Variants in UNC5C observed in about 807,000 individuals in gnomAD.
UNC5C encodes netrin receptor UNC5C.
Under a neutral mutation model 99.8 loss-of-function variants are expected in UNC5C, and 47 were observed. The observed-to-expected ratio is 0.47, with a 90% CI of 0.37 to 0.60. The LOEUF is 0.60. Among genes scored for constraint, UNC5C ranks in the 20% least tolerant of loss-of-function variants. The pLI is 0.00. For synonymous variants in UNC5C, 487 were observed against 452.2 expected, an observed-to-expected ratio of 1.08 and a Z score of -0.98; for missense variants, 1,062 against 1,165.9, an observed-to-expected ratio of 0.91 and a Z score of 1.30.
At chr4:95,266,946 T>C (rs560089641) in intron 4 of UNC5C, among the ~76,000 whole-genome samples, 2 of 152,166 alleles carry the variant, frequency 1.3e-5, no homozygotes, top group Non-Finnish European at 2.9e-5. Context: ...TTCACTCCCC[T>C]CTCATCTTTA....
At chr4:95,341,952 G>A (rs1345184966) in intron 1 of UNC5C, among the ~76,000 whole-genome samples, 2 of 152,114 alleles carry the variant, frequency 1.3e-5, no homozygotes, top group African/African-American at 4.8e-5. Context: ...GGCCCACAGA[G>A]GGAGCATTTA....
intron 12 of UNC5C, among the ~76,000 whole-genome samples, chr4:95,192,546 G>C: frequency 1.1e-5 from 1 of 93,618 alleles, no homozygotes; most frequent in Non-Finnish European, 2.1e-5. Context: ...TCCTCTCCTG[G>C]TCGCCTCTTC....
chr4:95,456,161 A>C (rs1260296137), intron 1 of UNC5C, among the ~76,000 whole-genome samples: 1 of 152,132 alleles, frequency 6.6e-6, no homozygotes, highest in African/African-American at 2.4e-5. Context: ...GGTAATAATT[A>C]TAAGGCAATG....
rs114961049 is a variant in UNC5C at position 95,536,919 on chromosome 4, A to G, written c.124+11815T>C. ...CCATGTAAGCTCCCAAATCACTCAA[A>G]ATAAGCTTTTACAATGGCCTGAACT... On this transcript the variant is annotated intron_variant, in intron 1 of 15. Coordinates refer to ENST00000453304, the MANE Select transcript of UNC5C (RefSeq NM_003728.4). 2.4e-3 allele frequency among the ~76,000 whole-genome samples: 358 copies of G among 152,302 alleles called. 3 individuals carry two copies. Among genetic ancestry groups the G allele is most frequent in the African/African-American group, 8.3e-3 (346 of 41,560 alleles).
intron 3 of UNC5C, among the ~76,000 whole-genome samples, chr4:95,298,047 G>A (rs1025495304): frequency 2.8e-4 from 42 of 152,274 alleles, no homozygotes; most frequent in Admixed American, 3.3e-4. Context: ...GGTGGCTAAC[G>A]CCTGTAATCC....
intron 1 of UNC5C, among the ~76,000 whole-genome samples, chr4:95,394,469 A>G (rs1411720379): frequency 6.6e-6 from 1 of 152,234 alleles, no homozygotes; most frequent in Non-Finnish European, 1.5e-5. Flanking sequence ...AACAGAGTTC[A>G]CTTTACCAAC....
intron 1 of UNC5C, among the ~76,000 whole-genome samples, chr4:95,425,563 C>A (rs774750220): frequency 2.6e-5 from 4 of 152,220 alleles, no homozygotes; most frequent in South Asian, 4.1e-4. Context: ...ACCTCGTGAT[C>A]CGCCCAAAGT....
intron 2 of UNC5C, among the ~76,000 whole-genome samples, chr4:95,309,130 T>A (rs977449782): frequency 2.0e-5 from 3 of 152,114 alleles, no homozygotes; most frequent in Non-Finnish European, 2.9e-5. Flanking sequence ...TAAATCCATA[T>A]GTTTATGGTC....
At chr4:95,229,734 A>G (rs1206676879) in intron 7 of UNC5C, among the ~76,000 whole-genome samples, 4 of 136,248 alleles carry the variant, frequency 2.9e-5, no homozygotes, top group Non-Finnish European at 4.7e-5. Flanking sequence ...ACTAATTTAC[A>G]CTCCCACCAA....
intron 14 of UNC5C, among the ~76,000 whole-genome samples, chr4:95,176,555 A>G (rs563774297): frequency 0.035 from 5,218 of 149,300 alleles, 171 homozygotes; most frequent in Middle Eastern, 0.087. Flanking sequence ...TAGGCTGCTC[A>G]GGGGTAGGGG....
intron 1 of UNC5C, among the ~76,000 whole-genome samples, chr4:95,496,519 A>G (rs1159161056): frequency 1.3e-5 from 2 of 151,786 alleles, no homozygotes; most frequent in African/African-American, 4.8e-5. Context: ...ATATTTTAGT[A>G]TGTGCCACTA....
intron 2 of UNC5C, among the ~76,000 whole-genome samples, chr4:95,325,959 C>A (rs1262382662): frequency 6.6e-6 from 1 of 152,018 alleles, no homozygotes; most frequent in African/African-American, 2.4e-5. Flanking sequence ...GTTCTGTGTT[C>A]AGTAGTTATG....
intron 3 of UNC5C, among the ~76,000 whole-genome samples, chr4:95,292,319 G>GAGTGCAGT (rs1741506155): frequency 6.7e-6 from 1 of 148,980 alleles, no homozygotes; most frequent in Non-Finnish European, 1.5e-5. Context: ...ACCCAGGCTG[G>GAGTGCAGT]AGTGCAGTAG....
chr4:95,331,023 T>C (rs1743090294), intron 2 of UNC5C, among the ~76,000 whole-genome samples: 1 of 152,106 alleles, frequency 6.6e-6, no homozygotes, highest in African/African-American at 2.4e-5. Context: ...AACATCCACA[T>C]GTACACATTA....
chr4:95,291,127 G>A (rs890231093), intron 3 of UNC5C, among the ~76,000 whole-genome samples: 4 of 151,692 alleles, frequency 2.6e-5, no homozygotes, highest in Non-Finnish European at 4.4e-5. Context: ...ATTTCAGCTA[G>A]CACTCCAAAT....
intron 14 of UNC5C, among the ~76,000 whole-genome samples, chr4:95,176,557 G>A (rs1736356418): frequency 6.6e-6 from 1 of 151,442 alleles, no homozygotes; most frequent in African/African-American, 2.4e-5. Flanking sequence ...GGCTGCTCAG[G>A]GGTAGGGGTC....
intron 7 of UNC5C, among the ~76,000 whole-genome samples, chr4:95,226,724 C>T (rs1045669739): frequency 2.0e-5 from 3 of 152,152 alleles, no homozygotes; most frequent in African/African-American, 7.2e-5. Context: ...TTCCAAAGCA[C>T]ATTTTCAAGG....
intron 1 of UNC5C, among the ~76,000 whole-genome samples, chr4:95,366,447 G>T (rs1161094948): frequency 6.6e-6 from 1 of 152,190 alleles, no homozygotes; most frequent in Non-Finnish European, 1.5e-5. Flanking sequence ...ACTGCCTGGA[G>T]CATCCAACAA....
intron 4 of UNC5C, among the ~76,000 whole-genome samples, chr4:95,269,648 G>A (rs1320444925): frequency 6.6e-6 from 1 of 151,880 alleles, no homozygotes; most frequent in Non-Finnish European, 1.5e-5. Context: ...GAGATTCTAA[G>A]CTCCTAGATC....
Sources: allele counts gnomAD v4.1 joint callset (sites outside exome capture counted in the v4.1 genomes callset), GRCh38; gene constraint gnomAD v4.1.1; transcripts MANE v1.5; gene names NCBI Gene and HGNC (gene_info 2026-07-23, HGNC 2026-07-21).